ZNF385D: variants seen among roughly 807,000 people sequenced by gnomAD.
ZNF385D encodes zinc finger protein 385D.
In ZNF385D, 15 loss-of-function variants were observed where a neutral mutation model predicts 35.8. The observed-to-expected ratio is 0.42, with a 90% CI of 0.28 to 0.64. ZNF385D has a LOEUF of 0.64. Ranked by LOEUF, ZNF385D falls within the 30% of genes least tolerant of loss-of-function variation. ZNF385D has a pLI of 0.23. For missense variants in ZNF385D, 474 were observed against 494.6 expected, an observed-to-expected ratio of 0.96 and a Z score of 0.39; for synonymous variants, 212 against 186.8, an observed-to-expected ratio of 1.13 and a Z score of -1.10.
chr3:21,489,783 G>C (rs542471508), intron 4 of ZNF385D, among the ~76,000 whole-genome samples: 2 of 152,034 alleles, frequency 1.3e-5, no homozygotes, highest in East Asian at 1.9e-4. Flanking sequence ...AGAAGTCTAG[G>C]AAGTTCCTGG....
At chr3:22,009,674 G>A (rs1020664450) in intron 3 of ZNF385D, among the ~76,000 whole-genome samples, 5 of 151,594 alleles carry the variant, frequency 3.3e-5, no homozygotes, top group Admixed American at 6.6e-5. Flanking sequence ...AGGTGCAGAA[G>A]GATGTGTCAA....
chr3:21,479,150 GTTTT>G (rs11435047), intron 4 of ZNF385D, among the ~76,000 whole-genome samples: 1 of 147,058 alleles, frequency 6.8e-6, no homozygotes, highest in Non-Finnish European at 1.5e-5. Flanking sequence ...TAGAAGTATT[GTTTT>G]TTTTTTTCTA....
At chr3:21,506,624 C>G (rs780284253) in intron 4 of ZNF385D, among the ~76,000 whole-genome samples, 19 of 152,098 alleles carry the variant, frequency 1.2e-4, no homozygotes, top group Non-Finnish European at 2.1e-4. Flanking sequence ...AAATAAAAAA[C>G]TTGGTATTTA....
At chr3:22,348,622 G>GC (rs1695772283) in intron 2 of ZNF385D, among the ~76,000 whole-genome samples, 1 of 143,974 alleles carries the variant, frequency 6.9e-6, no homozygotes, top group Non-Finnish European at 1.5e-5. Flanking sequence ...CCGAGATCAC[G>GC]CCATTGCACT....
At chr3:21,961,292 A>G (rs1273700670) in intron 3 of ZNF385D, 1 of 152,158 alleles carries the variant, frequency 6.6e-6, no homozygotes, top group Non-Finnish European at 1.5e-5. Flanking sequence ...AATGAATGAA[A>G]GAACAGAAAC....
rs546953075 is a variant in ZNF385D at position 21,886,363 on chromosome 3, G to GTAAAGATGAA, written c.326-221336_326-221335insTTCATCTTTA. ...AACCGAATCTGGCTGTGATTAATGAGGAAGAAAAAAAAAACTTTCTACCCC... is the reference window on the plus strand; with the variant it reads ...AACCGAATCTGGCTGTGATTAATGAGTAAAGATGAAGAAGAAAAAAAAAACTTTCTACCCC... On this transcript the variant is annotated intron_variant, in intron 3 of 5. Transcript: ENST00000494108. 7.5e-3 allele frequency among the ~76,000 whole-genome samples: 423 copies of GTAAAGATGAA among 56,070 alleles called. 2 individuals carry two copies. Among genetic ancestry groups the GTAAAGATGAA allele is most frequent in the African/African-American group, 0.031 (401 of 13,084 alleles). 36.8% of individuals were successfully genotyped at this position (56,070 alleles called of 152,430 possible).
intron 3 of ZNF385D, among the ~76,000 whole-genome samples, chr3:21,769,603 A>C (rs1575618024): frequency 9.6e-6 from 1 of 103,804 alleles, no homozygotes; most frequent in African/African-American, 4.3e-5. Context: ...AAACAAATGG[A>C]AGAACATTCC....
chr3:21,498,945 CAAAAA>C (rs35511402), intron 4 of ZNF385D, among the ~76,000 whole-genome samples: 23 of 64,276 alleles, frequency 3.6e-4, no homozygotes, highest in African/African-American at 1.4e-3. Context: ...GACTCCATCT[CAAAAA>C]AAAAAAAAAA....
chr3:22,306,774 G>C (rs1318554065), intron 2 of ZNF385D, among the ~76,000 whole-genome samples: 2 of 152,146 alleles, frequency 1.3e-5, no homozygotes, highest in Admixed American at 6.6e-5. Context: ...AATGAACTCA[G>C]CTTTCCAGGC....
At chr3:22,076,241 A>C (rs187613041) in intron 3 of ZNF385D, among the ~76,000 whole-genome samples, 1 of 151,870 alleles carries the variant, frequency 6.6e-6, no homozygotes, top group Admixed American at 6.6e-5. Context: ...ATTCACAATA[A>C]AGATACATTC....
At chr3:21,817,678 G>A (rs990668711) in intron 3 of ZNF385D, among the ~76,000 whole-genome samples, 7 of 152,204 alleles carry the variant, frequency 4.6e-5, no homozygotes, top group Non-Finnish European at 5.9e-5. Flanking sequence ...GGAAACAACA[G>A]GTGCTGGAGA....
intron 3 of ZNF385D, among the ~76,000 whole-genome samples, chr3:22,127,147 A>G (rs919821161): frequency 1.7e-4 from 26 of 151,860 alleles, no homozygotes; most frequent in African/African-American, 5.1e-4. Context: ...TTTTTGATCA[A>G]AGAGTTTAGG....
At chr3:21,769,343 C>T (rs1488953746) in intron 3 of ZNF385D, among the ~76,000 whole-genome samples, 1 of 127,222 alleles carries the variant, frequency 7.9e-6, no homozygotes, top group Non-Finnish European at 1.6e-5. Context: ...ACCCCGTCGT[C>T]TCAGCCCAAA....
intron 2 of ZNF385D, among the ~76,000 whole-genome samples, chr3:22,206,917 A>G (rs1255285245): frequency 6.6e-6 from 1 of 151,930 alleles, no homozygotes; most frequent in Non-Finnish European, 1.5e-5. Context: ...AAAGATCAGC[A>G]TAGAAATAAA....
rs562421463 is a variant in ZNF385D at position 22,027,818 on chromosome 3, A to T, written c.325+140999T>A. Among the ~76,000 whole-genome samples the T allele has an allele frequency of 3.3e-5, 5 of 152,274 alleles. No individual in the cohort carries two copies. The South Asian group carries it at 1.0e-3, about 32-fold the overall frequency. On this transcript the variant is annotated intron_variant, in intron 3 of 5. Coordinates refer to the ZNF385D transcript ENST00000494108. Reference sequence around the variant, plus strand: ...GCCTTCTCTACCCCAGCCTGCAACAATGGCCTCATGGGGGGTTCTCTATGA... The same window carrying T: ...GCCTTCTCTACCCCAGCCTGCAACATTGGCCTCATGGGGGGTTCTCTATGA...
intron 3 of ZNF385D, among the ~76,000 whole-genome samples, chr3:21,885,096 T>C (rs1390973097): frequency 6.6e-6 from 1 of 152,028 alleles, no homozygotes; most frequent in Admixed American, 6.6e-5. Flanking sequence ...ACTTCTTCTC[T>C]AGATTAAAGA....
chr3:22,211,886 T>C (rs992707682), intron 2 of ZNF385D, among the ~76,000 whole-genome samples: 6 of 152,154 alleles, frequency 3.9e-5, no homozygotes, highest in Middle Eastern at 6.8e-3. Context: ...AGTTTGACTA[T>C]GTTTTTAATT....
intron 3 of ZNF385D, among the ~76,000 whole-genome samples, chr3:22,067,084 T>G (rs1381874046): frequency 6.6e-6 from 1 of 152,182 alleles, no homozygotes; most frequent in Admixed American, 6.5e-5. Context: ...CCTTTCCAAT[T>G]TACATTAGTT....
chr3:21,522,459 C>T (rs779921652), intron 3 of ZNF385D, among the ~76,000 whole-genome samples: 35 of 152,260 alleles, frequency 2.3e-4, no homozygotes, highest in Non-Finnish European at 3.7e-4. Flanking sequence ...CCTGCCTCAG[C>T]CTCCCGAGTA....
Sources: allele counts gnomAD v4.1 joint callset (sites outside exome capture counted in the v4.1 genomes callset), GRCh38; gene constraint gnomAD v4.1.1; transcripts MANE v1.5; gene names NCBI Gene and HGNC (gene_info 2026-07-23, HGNC 2026-07-21).